The following PABIR2 variants were observed in gnomAD, a reference collection of about 807,000 sequenced individuals.
The protein encoded by PABIR2 is PABIR family member 2.
A neutral mutation model predicts 22.8 loss-of-function variants in PABIR2; 7 were observed. The ratio of observed to expected loss-of-function variants is 0.31; its 90% CI spans 0.17 to 0.58. PABIR2 has a LOEUF of 0.58. Ranked by LOEUF, PABIR2 falls within the 20% of genes least tolerant of loss-of-function variation. The pLI is 0.89. For synonymous variants in PABIR2, 67 were observed against 73.8 expected (o/e 0.91, Z 0.47); for missense variants, 155 against 205.1 (o/e 0.76, Z 1.49).
At chrX:134,793,312 A>G (rs753295930) in intron 2 of PABIR2, among the ~76,000 whole-genome samples, 24 of 112,245 alleles carry the variant, frequency 2.1e-4, no homozygotes, top group Admixed American at 1.1e-3. Flanking sequence ...ATTTCTCCCA[A>G]TGCGACCAAC....
chrX:134,788,378 A>T (rs1313767206), intron 6 of PABIR2, among the ~76,000 whole-genome samples: 1 of 81,879 alleles, frequency 1.2e-5, no homozygotes, highest in African/African-American at 4.5e-5. Context: ...ATATATGTGT[A>T]ATATATACAC....
chrX:134,771,274 T>G lies in PABIR2; in HGVS notation c.*865A>C. On this transcript the variant is annotated 3_prime_UTR_variant, in exon 10 of 10. Transcript: ENST00000343004. The stretch of plus-strand genomic sequence containing the variant: ...GGACGCTTTTGTACACAGTGGTTTG[T>G]GTGTAAATAACTATTCATTCATTTG... 8.7e-7 allele frequency: 1 copy of G among 1,150,970 alleles called. No homozygotes were observed. 94.9% of individuals were successfully genotyped at this position (1,150,970 alleles called of 1,213,427 possible).
chrX:134,787,348 C>G, intron 7 of PABIR2, 124 bp downstream of exon 7: 1 of 606,530 alleles, frequency 1.6e-6, no homozygotes, highest in Non-Finnish European at 2.6e-6. Context: ...AATCCACCAG[C>G]CTCGGCCTTC....
chrX:134,781,959 A>T (rs1280314781), intron 8 of PABIR2, 42 bp from the exon 9 acceptor site: 1 of 989,127 alleles, frequency 1.0e-6, no homozygotes, highest in Admixed American at 2.4e-5. Flanking sequence ...ACAATTTTAC[A>T]AATACAGGCG....
chrX:134,786,683 C>T (rs909915253), intron 7 of PABIR2, among the ~76,000 whole-genome samples: 46 of 111,515 alleles, frequency 4.1e-4, no homozygotes, highest in African/African-American at 1.3e-3. Context: ...TGGGGCTGGG[C>T]GCTGTGGCTC....
At chrX:134,780,863 CAT>C (rs750408824) in intron 9 of PABIR2, among the ~76,000 whole-genome samples, 1 of 112,313 alleles carries the variant, frequency 8.9e-6, no homozygotes, top group Middle Eastern at 4.2e-3. Flanking sequence ...ATTTAAAAAA[CAT>C]GTGTGTGACT....
At chrX:134,784,423 C>A (rs189582899) in intron 8 of PABIR2, among the ~76,000 whole-genome samples, 3 of 109,842 alleles carry the variant, frequency 2.7e-5, no homozygotes, top group East Asian at 5.7e-4. Context: ...AAGATCACGC[C>A]ACTACACTCC....
Position 134,788,775 on chromosome X carries a change from G to A in PABIR2, c.390C>T (p.Phe130=). 1 of 1,209,719 alleles carries A rather than the reference G, an allele frequency of 8.3e-7. No homozygotes were observed. Among genetic ancestry groups the A allele is most frequent in the Middle Eastern group, 2.3e-4 (1 of 4,332 alleles). ...GTGAAGGTGCTGGAGAAACTGGAGT[G>A]AAGTCAATTCTCTTAGGAGAATATA... ...EKLYSPKRID[F]TPVSPAPSPT... Residue 130 remains phenylalanine, a synonymous_variant, in exon 6 of 10, where the codon TTC becomes TTT. Transcript: ENST00000343004.
chrX:134,777,081 G>A (rs760070113), intron 9 of PABIR2, among the ~76,000 whole-genome samples: 59 of 112,036 alleles, frequency 5.3e-4, no homozygotes, highest in South Asian at 1.8e-3. Flanking sequence ...AAAATTAGCC[G>A]CAGCCCTATC....
At chrX:134,777,866 G>A (rs1435024486) in intron 9 of PABIR2, among the ~76,000 whole-genome samples, 1 of 100,653 alleles carries the variant, frequency 9.9e-6, no homozygotes, top group Non-Finnish European at 2.0e-5. Context: ...GCAGGATCCA[G>A]TTTTTGTTTG....
chrX:134,785,809 C>T (rs2079298110), intron 8 of PABIR2, 77 bp downstream of exon 8: 1 of 992,597 alleles, frequency 1.0e-6, no homozygotes, highest in African/African-American at 1.9e-5. Flanking sequence ...GGTAAGAACA[C>T]TTAAGATCTA....
chrX:134,789,182 G>GACACTTATT (rs2079471734), intron 4 of PABIR2, 41 bp downstream of exon 4: 1 of 1,210,441 alleles, frequency 8.3e-7, no homozygotes, highest in Non-Finnish European at 1.1e-6. Flanking sequence ...TTACAAACAA[G>GACACTTATT]ACACTTATTA....
chrX:134,790,847 C>T (rs751409706), intron 2 of PABIR2, among the ~76,000 whole-genome samples: 19 of 112,708 alleles, frequency 1.7e-4, no homozygotes, highest in African/African-American at 6.1e-4. Flanking sequence ...GCTGGGATTA[C>T]AGGCGTGAGC....
rs1448219025 is a variant in PABIR2, at chrX:134,771,804, G to A, written c.*335C>T. 1.2e-6 allele frequency: 1 copy of A among 832,829 alleles called. No homozygotes were observed. The highest frequency in any genetic ancestry group is 1.4e-6 in the Non-Finnish European group (1 of 690,738). 68.6% of individuals were successfully genotyped at this position (832,829 alleles called of 1,213,427 possible). On this transcript the variant is annotated 3_prime_UTR_variant, in exon 10 of 10. Transcript: ENST00000343004. The stretch of plus-strand genomic sequence containing the variant: ...CTGCTGCGGAAAAGGACCATTAAAG[G>A]CAATACACATCAGTGCCTTTCTTAA...
chrX:134,791,693 T>C (rs1393577610), intron 2 of PABIR2: 1 of 328,571 alleles, frequency 3.0e-6, no homozygotes, highest in East Asian at 9.8e-5. Flanking sequence ...AAAGCTGACA[T>C]TTACACAAGA....
intron 1 of PABIR2, among the ~76,000 whole-genome samples, chrX:134,795,805 C>T (rs2079767833): frequency 8.9e-6 from 1 of 111,834 alleles, no homozygotes. Context: ...CTGACATTCC[C>T]TGGTGTAAGT....
intron 2 of PABIR2, among the ~76,000 whole-genome samples, chrX:134,790,926 A>C (rs1467680918): frequency 2.7e-5 from 3 of 111,969 alleles, no homozygotes; most frequent in Non-Finnish European, 5.6e-5. Context: ...AAGGCAAGCA[A>C]ATACAGCAGG....
intron 8 of PABIR2, among the ~76,000 whole-genome samples, chrX:134,782,633 T>G (rs1026517735): frequency 8.9e-6 from 1 of 111,928 alleles, no homozygotes; most frequent in African/African-American, 3.2e-5. Flanking sequence ...GGCTCTGATT[T>G]TATTTAAAAC....
intron 9 of PABIR2, among the ~76,000 whole-genome samples, chrX:134,773,839 T>C (rs1239543925): frequency 2.7e-5 from 3 of 111,755 alleles, no homozygotes; most frequent in Non-Finnish European, 3.8e-5. Flanking sequence ...TTTATCTGAA[T>C]GTCCAAGTTA....
Sources: gnomAD v4.1 joint callset for allele counts (sites outside exome capture counted in the v4.1 genomes callset) on GRCh38, gnomAD v4.1.1 for gene constraint, MANE v1.5 for transcripts, NCBI Gene and HGNC (gene_info 2026-07-23, HGNC 2026-07-21) for gene names.